The following EIF2AK2 variants were observed in gnomAD, a reference collection of about 807,000 sequenced individuals.
The protein encoded by EIF2AK2 is eukaryotic translation initiation factor 2 alpha kinase 2.
EIF2AK2 carries 40 observed loss-of-function variants against 70.5 expected under a neutral mutation model. The observed-to-expected ratio is 0.57, with a 90% confidence interval of 0.44 to 0.74. The LOEUF is 0.74. Among genes scored for constraint, EIF2AK2 ranks in the 30% least tolerant of loss-of-function variants. The pLI is 0.00. For missense variants in EIF2AK2, 555 were observed against 644.3 expected (o/e 0.86, Z 1.50); for synonymous variants, 198 against 220.9 (o/e 0.90, Z 0.92).
chr2:37,112,077 C>A (rs887757972), intron 14 of EIF2AK2, among the ~76,000 whole-genome samples: 3 of 151,534 alleles, frequency 2.0e-5, no homozygotes, highest in Non-Finnish European at 2.9e-5. Context: ...CTGGGCCATG[C>A]ATTTTGCTCT....
chr2:37,156,304 T>C (rs1675921931), intron 1 of EIF2AK2, among the ~76,000 whole-genome samples: 1 of 152,088 alleles, frequency 6.6e-6, no homozygotes, highest in African/African-American at 2.4e-5. Flanking sequence ...AGGATTCTGA[T>C]GAGACAGGAA....
intron 10 of EIF2AK2, 126 bp downstream of exon 10, chr2:37,135,358 C>T (rs908077020): frequency 3.7e-5 from 28 of 754,774 alleles, no homozygotes; most frequent in Non-Finnish European, 6.2e-5. Context: ...ATTGTTCTTA[C>T]CCTGCGTAGT....
intron 2 of EIF2AK2, 127 bp from the exon 3 acceptor site, chr2:37,147,949 A>G: frequency 1.9e-6 from 1 of 529,484 alleles, no homozygotes; most frequent in Non-Finnish European, 3.4e-6. Context: ...TCAGTCTCAC[A>G]TAAATGCAGA....
At chr2:37,111,857 G>A (rs1166408308) in intron 14 of EIF2AK2, among the ~76,000 whole-genome samples, 15 of 48,298 alleles carry the variant, frequency 3.1e-4, no homozygotes, top group African/African-American at 1.2e-3. Flanking sequence ...GCAAGACCCT[G>A]TCTCAAAAAA....
chr2:37,130,382 C>T (rs769232745), intron 10 of EIF2AK2, among the ~76,000 whole-genome samples: 7 of 152,168 alleles, frequency 4.6e-5, no homozygotes, highest in Non-Finnish European at 8.8e-5. Context: ...GGATTACAGG[C>T]GTGAGGCACC....
At chr2:37,109,916 G>A (rs893000934) in intron 14 of EIF2AK2, among the ~76,000 whole-genome samples, 1 of 152,164 alleles carries the variant, frequency 6.6e-6, no homozygotes, top group African/African-American at 2.4e-5. Context: ...TCTGATCAGT[G>A]GGGAGGAGGC....
chr2:37,145,123 T>G (rs1009521031), intron 4 of EIF2AK2, among the ~76,000 whole-genome samples: 10 of 151,476 alleles, frequency 6.6e-5, no homozygotes, highest in Non-Finnish European at 1.2e-4. Context: ...TACTATGTGT[T>G]TGTTTGTGGT....
intron 10 of EIF2AK2, among the ~76,000 whole-genome samples, chr2:37,132,479 C>T (rs1674977205): frequency 6.6e-6 from 1 of 152,164 alleles, no homozygotes; most frequent in South Asian, 2.1e-4. Context: ...ATCCCAGCTA[C>T]TCAGGAGGCT....
intron 2 of EIF2AK2, 83 bp from the exon 3 acceptor site, chr2:37,147,905 G>C: frequency 1.1e-6 from 1 of 915,626 alleles, no homozygotes; most frequent in Non-Finnish European, 1.7e-6. Context: ...AGGAGACAGA[G>C]GGGTTGGGGA....
chr2:37,152,424 G>A (rs2148718427), intron 1 of EIF2AK2, among the ~76,000 whole-genome samples: 1 of 152,100 alleles, frequency 6.6e-6, no homozygotes, highest in South Asian at 2.1e-4. Context: ...TGGGACTATG[G>A]GACTACAGGT....
intron 1 of EIF2AK2, among the ~76,000 whole-genome samples, chr2:37,156,528 C>G (rs1250017396): frequency 6.6e-6 from 1 of 152,200 alleles, no homozygotes; most frequent in African/African-American, 2.4e-5. Flanking sequence ...ATGAGTATTT[C>G]AGGCCTCCGT....
intron 15 of EIF2AK2, among the ~76,000 whole-genome samples, chr2:37,108,803 C>T (rs1414359783): frequency 1.3e-5 from 2 of 152,200 alleles, no homozygotes; most frequent in African/African-American, 4.8e-5. Flanking sequence ...CACCTGACTT[C>T]AAGTGATCTG....
rs1289607917 is a variant in EIF2AK2, at chr2:37,099,667, A to G, written c.*7606T>C. The stretch of plus-strand genomic sequence containing the variant: ...GCCATTCTCCTAGGAATATACATCC[A>G]AGAGAAATGAAAACAAGTCCACATA... On this transcript the variant is annotated 3_prime_UTR_variant, in exon 17 of 17. Transcript: ENST00000233057. 2.6e-5 allele frequency: 4 copies of G among 152,240 alleles called. No homozygotes were observed. The highest frequency in any genetic ancestry group is 9.6e-5 in the African/African-American group (4 of 41,464). 9.4% of individuals were successfully genotyped at this position (152,240 alleles called of 1,614,324 possible).
At position 37,105,318 on chromosome 2, in the gene EIF2AK2, C is replaced by T. The variant is rs1673927759; in HGVS notation, c.*1955G>A. On this transcript the variant is annotated 3_prime_UTR_variant, in exon 17 of 17. Coordinates refer to ENST00000233057, the MANE Select transcript of EIF2AK2 (RefSeq NM_001135651.3). ...GTGTTTGGGTCATGGGGGAAGACCC[C>T]TCATGAATACATTAATGCCGTCCCT... The T allele has an allele frequency of 6.6e-6, 1 of 151,612 alleles. No individual in the cohort carries two copies. The highest frequency in any genetic ancestry group is 2.1e-4 in the South Asian group (1 of 4,792). 9.4% of individuals were successfully genotyped at this position (151,612 alleles called of 1,614,324 possible). A position where few individuals can be genotyped will look rare whatever the true frequency, so the allele number is the denominator to read the frequency against.
At chr2:37,116,842 T>C (rs1674358494) in intron 13 of EIF2AK2, among the ~76,000 whole-genome samples, 1 of 152,190 alleles carries the variant, frequency 6.6e-6, no homozygotes, top group South Asian at 2.1e-4. Context: ...AAATTGAATT[T>C]GTGAAGCCGT....
chr2:37,121,761 G>C (rs1007367046), intron 12 of EIF2AK2, among the ~76,000 whole-genome samples: 1 of 151,776 alleles, frequency 6.6e-6, no homozygotes, highest in African/African-American at 2.4e-5. Flanking sequence ...CTGAAGTCCT[G>C]TATGCTGACG....
chr2:37,136,855 T>C, intron 9 of EIF2AK2, 128 bp downstream of exon 9: 1 of 818,408 alleles, frequency 1.2e-6, no homozygotes, highest in Non-Finnish European at 1.8e-6. Flanking sequence ...GTTTATAGAT[T>C]TCAAGCTTTC....
chr2:37,155,439 G>C (rs139801822), intron 1 of EIF2AK2, among the ~76,000 whole-genome samples: 7 of 152,200 alleles, frequency 4.6e-5, no homozygotes, highest in African/African-American at 1.7e-4. Context: ...TACATTTATA[G>C]TGCAATATCT....
intron 4 of EIF2AK2, among the ~76,000 whole-genome samples, chr2:37,145,916 C>G (rs773291803): frequency 6.6e-6 from 1 of 151,602 alleles, no homozygotes; most frequent in South Asian, 2.1e-4. Context: ...CCACGCCCAG[C>G]TAATTTTTTG....
Sources: allele counts gnomAD v4.1 joint callset (sites outside exome capture counted in the v4.1 genomes callset), GRCh38; gene constraint gnomAD v4.1.1; transcripts MANE v1.5; gene names NCBI Gene and HGNC (gene_info 2026-07-23, HGNC 2026-07-21).